Variants in SLC23A2 observed in about 807,000 individuals in gnomAD.
The protein encoded by SLC23A2 is Na(+)/L-ascorbic acid transporter 2.
Under a neutral mutation model 73.3 loss-of-function variants are expected in SLC23A2, and 36 were observed. That is an observed-to-expected ratio of 0.49 (90% CI 0.38 to 0.65). The LOEUF is 0.65. Among genes scored for constraint, SLC23A2 ranks in the 30% least tolerant of loss-of-function variants. The pLI is 0.00. For missense variants in SLC23A2, 507 were observed against 841.6 expected (o/e 0.60, Z 4.92); for synonymous variants, 343 against 327.3 (o/e 1.05, Z -0.52).
intron 2 of SLC23A2, among the ~76,000 whole-genome samples, chr20:4,955,487 T>C (rs555648982): frequency 6.6e-6 from 1 of 151,870 alleles, no homozygotes; most frequent in Non-Finnish European, 1.5e-5. Context: ...GTGATTCCCC[T>C]CTCTTTAAAG....
At chr20:5,002,716 A>G (rs1226192603), upstream of SLC23A2, among the ~76,000 whole-genome samples, 2 of 152,162 alleles carry the variant, frequency 1.3e-5, no homozygotes, top group African/African-American at 4.8e-5. Flanking sequence ...TTATCTAATA[A>G]CTGCATTTTT....
At chr20:4,919,667 G>A (rs1337647824) in intron 3 of SLC23A2, among the ~76,000 whole-genome samples, 1 of 152,170 alleles carries the variant, frequency 6.6e-6, no homozygotes, top group Non-Finnish European at 1.5e-5. Context: ...TTCCCTGCTA[G>A]GTGAGGTTTC....
chr20:4,931,178 C>CAAAAGTAATAAAAAATAA (rs1430356778), intron 3 of SLC23A2, among the ~76,000 whole-genome samples: 1 of 148,990 alleles, frequency 6.7e-6, no homozygotes, highest in Non-Finnish European at 1.5e-5. Context: ...CCTGTCTCTA[C>CAAAAGTAATAAAAAATAA]AAAAGTAATA....
intron 2 of SLC23A2, among the ~76,000 whole-genome samples, chr20:4,954,591 G>A (rs530369973): frequency 5.3e-5 from 8 of 151,424 alleles, no homozygotes; most frequent in East Asian, 1.9e-4. Flanking sequence ...CCAGCTACTC[G>A]GTAAGCTGAG....
intron 1 of SLC23A2, among the ~76,000 whole-genome samples, chr20:4,976,378 T>C (rs1412699653): frequency 2.6e-5 from 4 of 152,080 alleles, no homozygotes; most frequent in Non-Finnish European, 5.9e-5. Flanking sequence ...ACTTTTGTGC[T>C]AGAAAGTCCC....
chr20:4,918,283 A>G (rs1307319448), intron 3 of SLC23A2, among the ~76,000 whole-genome samples: 1 of 152,196 alleles, frequency 6.6e-6, no homozygotes, highest in Non-Finnish European at 1.5e-5. Flanking sequence ...TGGGAACAAG[A>G]TGTCCTTTCT....
chr20:4,969,199 T>C (rs748019682), intron 2 of SLC23A2, among the ~76,000 whole-genome samples: 4 of 151,860 alleles, frequency 2.6e-5, no homozygotes, highest in Non-Finnish European at 5.9e-5. Flanking sequence ...GCGATTCTCC[T>C]ACCTCAGCCT....
chr20:4,897,112 G>A (rs1319202378), intron 6 of SLC23A2, among the ~76,000 whole-genome samples: 5 of 152,148 alleles, frequency 3.3e-5, no homozygotes, highest in African/African-American at 1.2e-4. Flanking sequence ...GCCCCACAAT[G>A]GCCAGGCCCC....
chr20:4,971,091 C>T (rs944663282), intron 1 of SLC23A2, among the ~76,000 whole-genome samples, 172 bp from the exon 2 acceptor site: 3 of 152,178 alleles, frequency 2.0e-5, no homozygotes, highest in African/African-American at 7.2e-5. Flanking sequence ...GGCAGGGTCA[C>T]AAACTGCACC....
intron 11 of SLC23A2, among the ~76,000 whole-genome samples, chr20:4,870,743 A>C (rs1181537393): frequency 1.3e-5 from 2 of 152,200 alleles, no homozygotes; most frequent in Admixed American, 1.3e-4. Context: ...TGTACAGAGC[A>C]GGGTACAAAG....
rs1929704230 is a variant in SLC23A2 at position 4,856,110 on chromosome 20, T to C, written c.*862A>G. 6.6e-6 allele frequency: 1 copy of C among 152,234 alleles called. No homozygotes were observed. Among genetic ancestry groups the C allele is most frequent in the African/African-American group, 2.4e-5 (1 of 41,422 alleles). The allele number at this position is 152,234 out of a possible 1,614,324, so 9.4% of individuals were successfully genotyped here. A position where few individuals can be genotyped will look rare whatever the true frequency, so the allele number is the denominator to read the frequency against. On this transcript the variant is annotated 3_prime_UTR_variant, in exon 17 of 17. Transcript: ENST00000338244. This position sits in a 1 kb window ranked among gnomAD's most constrained non-coding sequence, Gnocchi z 4.6. ...ATTATAGACGCGCGCGACAATAACA[T>C]CCACATGACGGCAGAGCCAAGACGC... is the stretch of plus-strand genomic sequence containing the variant.
Position 4,992,064 on chromosome 20 carries a change from C to T in SLC23A2, c.-282+9342G>A, listed in dbSNP as rs574374372. On this transcript the variant is annotated intron_variant, in intron 1 of 16. Transcript: ENST00000338244. Reference sequence around the variant, plus strand: ...GGCAGAGGTTGCAGTGAGCCGAGATCGCGCCATTACACTCAAGCCTGGGGG... The same window carrying T: ...GGCAGAGGTTGCAGTGAGCCGAGATTGCGCCATTACACTCAAGCCTGGGGG... 2.6e-4 allele frequency among the ~76,000 whole-genome samples: 40 copies of T among 152,112 alleles called. No individual in the cohort carries two copies. In the East Asian group the frequency reaches 6.6e-3, roughly 25 times the overall value.
At chr20:4,982,246 G>GCGA (rs2087739423) in intron 1 of SLC23A2, among the ~76,000 whole-genome samples, 1 of 152,038 alleles carries the variant, frequency 6.6e-6, no homozygotes, top group Non-Finnish European at 1.5e-5. Context: ...GCCCACCTCG[G>GCGA]CCTCCCAAAG....
chr20:4,940,831 C>T (rs1476165652), intron 2 of SLC23A2, among the ~76,000 whole-genome samples: 1 of 152,052 alleles, frequency 6.6e-6, no homozygotes, highest in Non-Finnish European at 1.5e-5. Flanking sequence ...CTTGGGGGGG[C>T]GGTCAATGGA....
intron 13 of SLC23A2, among the ~76,000 whole-genome samples, chr20:4,865,879 C>T (rs890810440): frequency 2.0e-5 from 3 of 152,080 alleles, no homozygotes; most frequent in African/African-American, 4.8e-5. Context: ...GTCACCCAGG[C>T]TGGAGTGCAG....
At chr20:4,866,599 G>A (rs1010083917) in intron 13 of SLC23A2, among the ~76,000 whole-genome samples, 2 of 152,204 alleles carry the variant, frequency 1.3e-5, no homozygotes, top group Non-Finnish European at 2.9e-5. Context: ...GGGGCCATTG[G>A]CACACCTCAG....
chr20:4,895,278 C>T (rs1931477876), intron 6 of SLC23A2, among the ~76,000 whole-genome samples: 1 of 152,224 alleles, frequency 6.6e-6, no homozygotes, highest in South Asian at 2.1e-4. Context: ...TGCCATCCTT[C>T]CGGCAGTGCT....
chr20:4,861,456 C>T (rs979256992), intron 15 of SLC23A2, among the ~76,000 whole-genome samples: 12 of 152,210 alleles, frequency 7.9e-5, no homozygotes, highest in African/African-American at 1.9e-4. Context: ...TGTCTTGAGA[C>T]GGTTCTTCCT....
intron 11 of SLC23A2, 31 bp from the exon 12 acceptor site, chr20:4,870,084 TAG>T: frequency 6.4e-7 from 1 of 1,553,060 alleles, no homozygotes; most frequent in Non-Finnish European, 8.7e-7. Context: ...TGAATGCTCC[TAG>T]AGAGGCAGGC....
Sources: allele counts gnomAD v4.1 joint callset (sites outside exome capture counted in the v4.1 genomes callset), GRCh38; gene constraint gnomAD v4.1.1; non-coding constraint Gnocchi (gnomAD v3.1); transcripts MANE v1.5; gene names NCBI Gene and HGNC (gene_info 2026-07-23, HGNC 2026-07-21).